Variants in PRKAR1A observed in about 807,000 individuals in gnomAD.
PRKAR1A encodes the protein cAMP-dependent protein kinase type I-alpha regulatory subunit.
Under a neutral mutation model 52.0 loss-of-function variants are expected in PRKAR1A, and 3 were observed. The observed-to-expected ratio is 0.06, with a 90% CI of 0.03 to 0.15. The LOEUF is 0.15. PRKAR1A is among the 10% of genes least tolerant of loss of function. The pLI is 1.00. For synonymous variants in PRKAR1A, 188 were observed against 168.4 expected (o/e 1.12, Z -0.90); for missense variants, 240 against 477.4 (o/e 0.50, Z 4.63).
chr17:68,530,549 G>A lies in PRKAR1A; in HGVS notation c.*100G>A, dbSNP rs1312972796. 1.2e-6 allele frequency: 2 copies of A among 1,604,626 alleles called. No homozygotes were observed. The highest frequency in any genetic ancestry group is 1.7e-6 in the Non-Finnish European group (2 of 1,176,022). ...TACTTGCAGCGCCAAGTGGCCACTG[G>A]CATCGCAGCTTCCTGTCTGTTTATA... On this transcript the variant is annotated 3_prime_UTR_variant, in exon 11 of 11. Transcript: ENST00000589228.
At chr17:68,419,668 A>G in the PRKAR1A span, among the ~76,000 whole-genome samples, 1 of 152,150 alleles carries the variant, frequency 6.6e-6, no homozygotes, top group South Asian at 2.1e-4. Flanking sequence ...AGAACTTCCA[A>G]ATCATTTTAG....
the PRKAR1A span, among the ~76,000 whole-genome samples, chr17:68,429,659 G>T: frequency 6.6e-6 from 1 of 152,036 alleles, no homozygotes; most frequent in African/African-American, 2.4e-5. Context: ...CATGATCTCG[G>T]CTCACTGCAA....
chr17:68,478,726 C>T, the PRKAR1A span, among the ~76,000 whole-genome samples: 1 of 117,598 alleles, frequency 8.5e-6, no homozygotes, highest in Non-Finnish European at 1.7e-5. Context: ...ATATGTTGGA[C>T]AGTTTTGTTT....
chr17:68,512,671 C>T (rs1337891283), intron 1 of PRKAR1A, 123 bp downstream of exon 1: 1 of 152,308 alleles, frequency 6.6e-6, no homozygotes, highest in Non-Finnish European at 1.5e-5. Flanking sequence ...CGGCCGCACC[C>T]CCTGCCCCTC....
At chr17:68,450,823 G>T in the PRKAR1A span, 1 of 1,614,186 alleles carries the variant, frequency 6.2e-7, no homozygotes. Context: ...ATCTGCCGTG[G>T]TTTTGTGTGA....
chr17:68,421,570 A>G, the PRKAR1A span: 2 of 631,196 alleles, frequency 3.2e-6, no homozygotes, highest in Non-Finnish European at 5.7e-6. Context: ...ATGTGTATAC[A>G]ATGTCTCCCG....
the PRKAR1A span, chr17:68,427,086 G>T: frequency 6.8e-7 from 1 of 1,479,162 alleles, no homozygotes; most frequent in South Asian, 1.1e-5. Context: ...GAGAAGGGGA[G>T]GGAGGTCACT....
intron 8 of PRKAR1A, 28 bp downstream of exon 8, chr17:68,527,928 T>C: frequency 6.4e-7 from 1 of 1,569,504 alleles, no homozygotes; most frequent in East Asian, 2.2e-5. Context: ...TTAACTTTGC[T>C]AGTATGTGAG....
chr17:68,541,120 A>G (rs2086270909), intron 11 of PRKAR1A: 1 of 989,580 alleles, frequency 1.0e-6, no homozygotes, highest in African/African-American at 1.6e-5. Context: ...AGGACGCGTA[A>G]GGCTGCATAT....
chr17:68,422,117 T>A, the PRKAR1A span: 1 of 349,446 alleles, frequency 2.9e-6, no homozygotes, highest in South Asian at 3.7e-5. Context: ...AAACATGGAC[T>A]GCTCAATCAC....
the PRKAR1A span, among the ~76,000 whole-genome samples, chr17:68,437,267 A>T: frequency 3.9e-5 from 6 of 152,044 alleles, no homozygotes; most frequent in Non-Finnish European, 8.8e-5. Flanking sequence ...AAACTGAGAA[A>T]TTTCAGGCCA....
At chr17:68,428,937 C>T in the PRKAR1A span, 1 of 1,612,366 alleles carries the variant, frequency 6.2e-7, no homozygotes, top group Non-Finnish European at 8.5e-7. Flanking sequence ...CTTCTGGATC[C>T]TAAGGGCCAA....
intron 11 of PRKAR1A, among the ~76,000 whole-genome samples, chr17:68,545,546 G>A (rs1039547410): frequency 1.3e-5 from 2 of 152,236 alleles, no homozygotes; most frequent in Non-Finnish European, 2.9e-5. Context: ...CCTTCAGCAA[G>A]TCATAATCTT....
downstream of PRKAR1A, chr17:68,535,279 A>C: frequency 2.2e-6 from 1 of 454,098 alleles, no homozygotes; most frequent in South Asian, 1.6e-5. Context: ...AAGATAAGTG[A>C]ATAATAAGGT....
At chr17:68,426,234 CTGGCGGGTGGGGAGCGGGGG>C in the PRKAR1A span, 1 of 705,818 alleles carries the variant, frequency 1.4e-6, no homozygotes. Context: ...ATGCCATGAC[CTGGCGGGTGGGGAGCGGGGG>C]CTCAAATAAA....
intron 11 of PRKAR1A, chr17:68,542,567 T>G (rs1190299495): frequency 1.3e-6 from 1 of 773,628 alleles, no homozygotes; most frequent in Non-Finnish European, 2.3e-6. Flanking sequence ...GTCTTACAAC[T>G]TCATACGCCC....
Position 68,530,334 on chromosome 17 carries a change from C to T in PRKAR1A, c.1031C>T (p.Pro344Leu), listed in dbSNP as rs1600496295. Residue 344 changes from proline (P) to leucine (L), a missense_variant, in exon 11 of 11, where the codon CCC (proline) becomes CTC (leucine). By Grantham distance (98) the Pro-to-Leu change is moderately conservative (BLOSUM62 -3). Transcript: ENST00000589228. ...PRAATVVARG[P>L]LKCVKLDRPR... ...GCTGCCACAGTTGTTGCTCGTGGCC[C>T]CTTGAAGTGCGTTAAGCTGGACCGA... 6.2e-7 allele frequency: 1 copy of T among 1,614,078 alleles called. No individual in the cohort carries two copies. The highest frequency in any genetic ancestry group is 1.1e-5 in the South Asian group (1 of 91,084).
At chr17:68,431,511 C>T in the PRKAR1A span, among the ~76,000 whole-genome samples, 6 of 152,042 alleles carry the variant, frequency 3.9e-5, no homozygotes, top group African/African-American at 1.4e-4. Context: ...GGACTTCATT[C>T]CCAAGGTCAA....
At chr17:68,542,469 A>G (rs143391371) in intron 11 of PRKAR1A, among the ~76,000 whole-genome samples, 89 of 152,256 alleles carry the variant, frequency 5.8e-4, no homozygotes, top group Non-Finnish European at 8.7e-4. Flanking sequence ...TGTAGGGTCA[A>G]TGCCCACACA....
Sources: gnomAD v4.1 joint callset for allele counts (sites outside exome capture counted in the v4.1 genomes callset) on GRCh38, gnomAD v4.1.1 for gene constraint, MANE v1.5 for transcripts, NCBI Gene and HGNC (gene_info 2026-07-23, HGNC 2026-07-21) for gene names.